MYO1B: variants seen among roughly 807,000 people sequenced by gnomAD.
MYO1B encodes unconventional myosin-Ib.
In MYO1B, 72 loss-of-function variants were observed where a neutral mutation model predicts 159.7. The ratio of observed to expected loss-of-function variants is 0.45; its 90% confidence interval spans 0.37 to 0.55. The LOEUF (loss-of-function observed/expected upper bound fraction) is 0.55, where lower values mean the gene tolerates loss of function less well. Among genes scored for constraint, MYO1B ranks in the 20% least tolerant of loss-of-function variants. The pLI, the probability that MYO1B is intolerant of heterozygous loss-of-function variation, is 0.00. For synonymous variants in MYO1B, 468 were observed against 473.8 expected (o/e 0.99, Z 0.16); for missense variants, 1,062 against 1,364.8 (o/e 0.78, Z 3.50).
chr2:191,340,955 C>T (rs1692184172), intron 4 of MYO1B, among the ~76,000 whole-genome samples: 1 of 152,120 alleles, frequency 6.6e-6, no homozygotes, highest in African/African-American at 2.4e-5. Flanking sequence ...AACCTCGTGA[C>T]CTCATGATCC....
intron 24 of MYO1B, among the ~76,000 whole-genome samples, chr2:191,406,250 T>C (rs1265103975): frequency 1.3e-5 from 2 of 152,258 alleles, no homozygotes; most frequent in East Asian, 1.9e-4. Context: ...TTTGATCTTA[T>C]ATCTAGACCA....
At chr2:191,357,449 G>A (rs1202350324) in intron 7 of MYO1B, among the ~76,000 whole-genome samples, 1 of 152,112 alleles carries the variant, frequency 6.6e-6, no homozygotes, top group African/African-American at 2.4e-5. Context: ...CACTAGAGTG[G>A]CTTAATATGT....
At chr2:191,294,051 G>T (rs907074264) in intron 2 of MYO1B, among the ~76,000 whole-genome samples, 2 of 152,138 alleles carry the variant, frequency 1.3e-5, no homozygotes, top group Non-Finnish European at 2.9e-5. Context: ...AATATTTATT[G>T]TACATCATGG....
chr2:191,318,966 T>TG (rs370462526), intron 3 of MYO1B, among the ~76,000 whole-genome samples: 2 of 152,238 alleles, frequency 1.3e-5, no homozygotes, highest in African/African-American at 4.8e-5. Flanking sequence ...AGGCTCTGAC[T>TG]GGATTGGTGG....
At chr2:191,356,148 T>A (rs1328243047) in intron 7 of MYO1B, among the ~76,000 whole-genome samples, 1 of 152,156 alleles carries the variant, frequency 6.6e-6, no homozygotes, top group Non-Finnish European at 1.5e-5. Context: ...CCTAAAGGAA[T>A]CTCTGATCAG....
intron 21 of MYO1B, among the ~76,000 whole-genome samples, chr2:191,398,454 G>A (rs1233485778): frequency 7.0e-5 from 10 of 142,546 alleles, no homozygotes. Context: ...GGACGGAGAC[G>A]CTCCTCACTT....
At chr2:191,309,203 T>C (rs1209350367) in intron 3 of MYO1B, among the ~76,000 whole-genome samples, 1 of 152,152 alleles carries the variant, frequency 6.6e-6, no homozygotes, top group Non-Finnish European at 1.5e-5. Context: ...CTCCCTCTTC[T>C]CTTTCTCACC....
chr2:191,333,596 A>T (rs1445700961), intron 4 of MYO1B, among the ~76,000 whole-genome samples: 2 of 152,006 alleles, frequency 1.3e-5, no homozygotes, highest in Non-Finnish European at 2.9e-5. Flanking sequence ...TCTCATGAGG[A>T]TTATTTGTAG....
chr2:191,292,352 C>G (rs577065369), intron 2 of MYO1B, among the ~76,000 whole-genome samples: 18 of 152,196 alleles, frequency 1.2e-4, no homozygotes, highest in African/African-American at 4.3e-4. Flanking sequence ...GAACATGTGC[C>G]CAAGATGATT....
intron 30 of MYO1B, 107 bp downstream of exon 30, chr2:191,416,349 T>G: frequency 7.4e-7 from 1 of 1,342,952 alleles, no homozygotes; most frequent in Admixed American, 1.8e-5. Flanking sequence ...GTACCAGGTA[T>G]GTGTCTAGTA....
chr2:191,289,728 C>A (rs567953175), intron 2 of MYO1B, among the ~76,000 whole-genome samples: 2 of 152,236 alleles, frequency 1.3e-5, no homozygotes, highest in African/African-American at 4.8e-5. Context: ...GATTTTCTTA[C>A]ATGTATTTTA....
At chr2:191,344,170 G>A (rs1692408424) in intron 5 of MYO1B, among the ~76,000 whole-genome samples, 1 of 152,150 alleles carries the variant, frequency 6.6e-6, no homozygotes, top group Non-Finnish European at 1.5e-5. Flanking sequence ...TAACTTGGCA[G>A]CCCTGCATGT....
intron 7 of MYO1B, among the ~76,000 whole-genome samples, chr2:191,356,337 C>CTTT (rs79525897): frequency 0.015 from 1,590 of 106,334 alleles, 20 homozygotes; most frequent in Middle Eastern, 0.022. Flanking sequence ...GGCTGGGCTT[C>CTTT]TTTTTTTTTT....
intron 30 of MYO1B, among the ~76,000 whole-genome samples, chr2:191,423,336 A>T (rs1698061908): frequency 6.6e-6 from 1 of 152,246 alleles, no homozygotes; most frequent in Admixed American, 6.5e-5. Context: ...AAAGTACAGT[A>T]AAAATACAGT....
chr2:191,323,821 T>G (rs1297309341), intron 3 of MYO1B, among the ~76,000 whole-genome samples: 1 of 152,164 alleles, frequency 6.6e-6, no homozygotes, highest in East Asian at 1.9e-4. Context: ...CCTTTTCCGG[T>G]TATGTAGCCA....
At chr2:191,299,315 C>T (rs1689165199) in intron 3 of MYO1B, among the ~76,000 whole-genome samples, 1 of 152,146 alleles carries the variant, frequency 6.6e-6, no homozygotes, top group African/African-American at 2.4e-5. Context: ...TTTACCATGG[C>T]CTACAAAGCA....
intron 30 of MYO1B, chr2:191,416,486 C>T (rs1697573121): frequency 6.2e-6 from 3 of 481,172 alleles, no homozygotes; most frequent in Non-Finnish European, 1.1e-5. Flanking sequence ...AAGATTTTGG[C>T]TAACAAGTGT....
chr2:191,254,304 C>T (rs1686303983), intron 1 of MYO1B, among the ~76,000 whole-genome samples: 1 of 152,128 alleles, frequency 6.6e-6, no homozygotes, highest in Non-Finnish European at 1.5e-5. Context: ...CCTCCACCTC[C>T]CAGGTTCAAG....
intron 1 of MYO1B, among the ~76,000 whole-genome samples, chr2:191,248,975 A>T (rs10198722): frequency 0.041 from 6,259 of 152,324 alleles, 411 homozygotes; most frequent in African/African-American, 0.14. Context: ...AAAGAGCTGT[A>T]TGTTATGGCC....
Sources: gnomAD v4.1 joint callset for allele counts (sites outside exome capture counted in the v4.1 genomes callset) on GRCh38, gnomAD v4.1.1 for gene constraint, MANE v1.5 for transcripts, NCBI Gene and HGNC (gene_info 2026-07-23, HGNC 2026-07-21) for gene names.